The following NOL4L variants were observed in gnomAD, a reference collection of about 807,000 sequenced individuals.
The protein encoded by NOL4L is nucleolar protein 4-like.
NOL4L carries 7 observed loss-of-function variants against 64.5 expected under a neutral mutation model. That is an observed-to-expected ratio of 0.11 (90% CI 0.06 to 0.20). The LOEUF is 0.20. Among genes scored for constraint, NOL4L ranks in the 10% least tolerant of loss-of-function variants. The pLI, the probability that NOL4L is intolerant of heterozygous loss-of-function variation, is 1.00. For synonymous variants in NOL4L, 413 were observed against 401.0 expected, an observed-to-expected ratio of 1.03 and a Z score of -0.36; for missense variants, 680 against 967.1, an observed-to-expected ratio of 0.70 and a Z score of 3.94.
chr20:32,566,161 G>A (rs1294002924), intron 1 of NOL4L, among the ~76,000 whole-genome samples: 1 of 152,160 alleles, frequency 6.6e-6, no homozygotes, highest in Non-Finnish European at 1.5e-5. Flanking sequence ...ATTGCAACTC[G>A]GTTCTATGGG....
chr20:32,582,841 C>T (rs566447682), intron 1 of NOL4L, among the ~76,000 whole-genome samples: 1 of 152,222 alleles, frequency 6.6e-6, no homozygotes, highest in South Asian at 2.1e-4. Context: ...GATGGGAGAA[C>T]CGAGGAGGGG....
intron 4 of NOL4L, among the ~76,000 whole-genome samples, chr20:32,504,315 C>A (rs1340309966): frequency 6.6e-6 from 1 of 152,094 alleles, no homozygotes; most frequent in East Asian, 1.9e-4. Context: ...AATCCCAGCA[C>A]TTTGGGAGGC....
intron 4 of NOL4L, among the ~76,000 whole-genome samples, chr20:32,505,601 T>G (rs531284501): frequency 9.9e-5 from 15 of 152,228 alleles, no homozygotes; most frequent in African/African-American, 3.4e-4. Flanking sequence ...TCACCTGTGG[T>G]CTCAGATACT....
intron 4 of NOL4L, among the ~76,000 whole-genome samples, chr20:32,503,959 A>G (rs548744898): frequency 3.4e-4 from 52 of 152,304 alleles, no homozygotes; most frequent in Non-Finnish European, 7.1e-4. Context: ...GCCATTTAAG[A>G]AGGCCCATCT....
At chr20:32,474,815 G>A in intron 4 of NOL4L, 73 bp from the exon 5 acceptor site, 1 of 1,497,858 alleles carries the variant, frequency 6.7e-7, no homozygotes, top group Non-Finnish European at 9.0e-7. Context: ...CTTGTGGGTG[G>A]ACCCCAGGGC....
chr20:32,545,116 T>TA (rs1442549256), intron 1 of NOL4L, among the ~76,000 whole-genome samples: 2 of 152,010 alleles, frequency 1.3e-5, no homozygotes, highest in African/African-American at 4.8e-5. Context: ...TGCTGATACT[T>TA]AAAAGTTGGG....
chr20:32,487,964 G>A (rs367729911), intron 4 of NOL4L, among the ~76,000 whole-genome samples: 66 of 145,580 alleles, frequency 4.5e-4, no homozygotes, highest in African/African-American at 1.6e-3. Flanking sequence ...AAATCTTGCT[G>A]TGTCACCTAG....
chr20:32,584,352 G>A (rs964001133), intron 1 of NOL4L, among the ~76,000 whole-genome samples: 32 of 151,404 alleles, frequency 2.1e-4, no homozygotes, highest in Middle Eastern at 6.8e-3. Flanking sequence ...CCCGGGCAGC[G>A]GCGCGGAGGG....
At chr20:32,465,488 C>T (rs954561051) in intron 5 of NOL4L, among the ~76,000 whole-genome samples, 2 of 152,246 alleles carry the variant, frequency 1.3e-5, no homozygotes, top group African/African-American at 2.4e-5. Flanking sequence ...CCCGGGGAAG[C>T]GCTCCCAGGA....
intron 3 of NOL4L, among the ~76,000 whole-genome samples, chr20:32,513,305 T>C (rs1169907477): frequency 6.6e-6 from 1 of 151,894 alleles, no homozygotes; most frequent in Non-Finnish European, 1.5e-5. Context: ...CCCAAAAGGG[T>C]CCCTGCAACC....
At chr20:32,536,364 C>G in intron 1 of NOL4L, 1 of 974,510 alleles carries the variant, frequency 1.0e-6, no homozygotes, top group Non-Finnish European at 1.2e-6. Context: ...CGGGCCCCAC[C>G]CAGGGCCGGG....
Position 32,463,461 on chromosome 20 carries a change from C to T in NOL4L, c.842-7066G>A, listed in dbSNP as rs1338007705. Among the ~76,000 whole-genome samples the T allele has an allele frequency of 1.3e-5, 2 of 152,188 alleles. No individual in the cohort carries two copies. Among genetic ancestry groups the T allele is most frequent in the Non-Finnish European group, 2.9e-5 (2 of 68,020 alleles). ...CCTTGGGGAAGCAGCCCGGGATGCACCCCCTCTCAGCATTTCCACAAAACC... is the reference window on the plus strand; with the variant it reads ...CCTTGGGGAAGCAGCCCGGGATGCATCCCCTCTCAGCATTTCCACAAAACC... On this transcript the variant is annotated intron_variant, in intron 5 of 10. Transcript: ENST00000621426. The surrounding 1 kb of genome is among the most constrained non-coding windows in gnomAD (Gnocchi z 5.8).
intron 5 of NOL4L, among the ~76,000 whole-genome samples, chr20:32,466,616 G>A (rs1313310987): frequency 2.9e-5 from 4 of 137,170 alleles, no homozygotes; most frequent in Admixed American, 8.0e-5. Context: ...GGTATTTGGA[G>A]CCTTGAGGAG....
chr20:32,568,188 C>A (rs952094508), intron 1 of NOL4L, among the ~76,000 whole-genome samples: 5 of 152,136 alleles, frequency 3.3e-5, no homozygotes, highest in Non-Finnish European at 7.4e-5. Context: ...TCAGCACCAC[C>A]ACCATAACTG....
At chr20:32,563,278 C>G (rs1243843266) in intron 1 of NOL4L, among the ~76,000 whole-genome samples, 3 of 19,336 alleles carry the variant, frequency 1.6e-4, no homozygotes, top group African/African-American at 4.2e-4. Flanking sequence ...GAGGGAGACT[C>G]GGGAGGGAGA....
intron 1 of NOL4L, among the ~76,000 whole-genome samples, chr20:32,568,815 G>C (rs1979591769): frequency 6.6e-6 from 1 of 152,188 alleles, no homozygotes; most frequent in South Asian, 2.1e-4. Context: ...CCTGGAACTG[G>C]AGGAGCCTGC....
chr20:32,541,483 C>T (rs748344785), intron 1 of NOL4L, among the ~76,000 whole-genome samples: 14 of 152,230 alleles, frequency 9.2e-5, no homozygotes, highest in Admixed American at 8.5e-4. Flanking sequence ...CAAGCTCCAG[C>T]CACCTTGGAT....
intron 4 of NOL4L, among the ~76,000 whole-genome samples, chr20:32,497,378 C>G (rs938205077): frequency 6.6e-6 from 1 of 152,098 alleles, no homozygotes; most frequent in African/African-American, 2.4e-5. Flanking sequence ...AAAGTCACAA[C>G]CACTAAATGC....
chr20:32,485,286 T>TA (rs1159933452), intron 4 of NOL4L, among the ~76,000 whole-genome samples: 2 of 152,094 alleles, frequency 1.3e-5, no homozygotes, highest in Non-Finnish European at 2.9e-5. Flanking sequence ...TTTTTTTCTG[T>TA]AAAAAGCCTT....
Sources: gnomAD v4.1 joint callset for allele counts (sites outside exome capture counted in the v4.1 genomes callset) on GRCh38, gnomAD v4.1.1 for gene constraint, Gnocchi (gnomAD v3.1) non-coding constraint, MANE v1.5 for transcripts, NCBI Gene and HGNC (gene_info 2026-07-23, HGNC 2026-07-21) for gene names.